ZNF704: variants seen among roughly 807,000 people sequenced by gnomAD.
The protein encoded by ZNF704 is zinc finger protein 704.
ZNF704 carries 10 observed loss-of-function variants against 44.7 expected under a neutral mutation model. The observed-to-expected ratio is 0.22, with a 90% CI of 0.14 to 0.38. The LOEUF is 0.38. ZNF704 is among the 10% of genes least tolerant of loss of function. The probability of loss-of-function intolerance (pLI) is 1.00; values close to 1 mark genes in which losing one functional copy is unlikely to be tolerated. For synonymous variants in ZNF704, 211 were observed against 207.6 expected, an observed-to-expected ratio of 1.02 and a Z score of -0.14; for missense variants, 390 against 545.5, an observed-to-expected ratio of 0.71 and a Z score of 2.84.
At chr8:80,773,863 C>T (rs1807366096) in intron 2 of ZNF704, among the ~76,000 whole-genome samples, 1 of 152,092 alleles carries the variant, frequency 6.6e-6, no homozygotes, top group Admixed American at 6.5e-5. Context: ...TTTATCATGA[C>T]TGCTTTAAAA....
upstream of ZNF704, among the ~76,000 whole-genome samples, chr8:80,877,141 C>A (rs1165347622): frequency 7.0e-6 from 1 of 143,694 alleles, no homozygotes; most frequent in Non-Finnish European, 1.5e-5. Context: ...TCATAGACAT[C>A]CATTCCCTGG....
chr8:80,701,098 C>T (rs1818802981), intron 2 of ZNF704, among the ~76,000 whole-genome samples: 1 of 152,106 alleles, frequency 6.6e-6, no homozygotes, highest in African/African-American at 2.4e-5. Flanking sequence ...CCTGGCCTTG[C>T]TAGCCTTCTG....
intron 7 of ZNF704, among the ~76,000 whole-genome samples, chr8:80,646,336 C>T (rs1817833373): frequency 6.6e-6 from 1 of 151,950 alleles, no homozygotes; most frequent in Admixed American, 6.6e-5. Flanking sequence ...ACAAATTAGC[C>T]AGATTGGTGA....
At chr8:80,858,563 T>A (rs564249257) in intron 1 of ZNF704, among the ~76,000 whole-genome samples, 2 of 151,968 alleles carry the variant, frequency 1.3e-5, no homozygotes, top group Admixed American at 6.6e-5. Flanking sequence ...GAAACCCCCA[T>A]CTCTACCAAA....
At chr8:80,747,835 G>A (rs934704161) in intron 2 of ZNF704, among the ~76,000 whole-genome samples, 2 of 152,178 alleles carry the variant, frequency 1.3e-5, no homozygotes, top group African/African-American at 4.8e-5. Context: ...CCCTGCTTCA[G>A]CATCCTGACT....
intron 2 of ZNF704, among the ~76,000 whole-genome samples, chr8:80,724,810 A>T (rs890025383): frequency 1.1e-4 from 17 of 151,870 alleles, no homozygotes; most frequent in African/African-American, 4.1e-4. Context: ...CAAAACGATA[A>T]CCCCTTAACT....
intron 3 of ZNF704, among the ~76,000 whole-genome samples, 170 bp downstream of exon 3, chr8:80,692,834 A>AG (rs1818662089): frequency 6.6e-6 from 1 of 152,130 alleles, no homozygotes; most frequent in Non-Finnish European, 1.5e-5. Context: ...GAAGATGAAG[A>AG]GGGGGCTGAC....
chr8:80,871,983 C>T lies in ZNF704; in HGVS notation c.-22+2588G>A, dbSNP rs750191576. ...TATCACACTCATTATTCTGTTTTTA[C>T]GGATTTGATTTTTTCCCTATATTAA... is the stretch of plus-strand genomic sequence containing the variant. On this transcript the variant is annotated intron_variant, in intron 1 of 8. Transcript: ENST00000327835. 5.3e-5 allele frequency among the ~76,000 whole-genome samples: 8 copies of T among 152,126 alleles called. No homozygotes were observed. In the South Asian group the frequency reaches 1.4e-3, roughly 28 times the overall value.
At chr8:80,842,599 G>A (rs1041324848) in intron 1 of ZNF704, among the ~76,000 whole-genome samples, 18 of 152,112 alleles carry the variant, frequency 1.2e-4, no homozygotes, top group African/African-American at 3.6e-4. Context: ...GCCTTCAGTC[G>A]GCAGTGGGTC....
chr8:80,742,722 C>A (rs1221312324), intron 2 of ZNF704, among the ~76,000 whole-genome samples: 1 of 152,106 alleles, frequency 6.6e-6, no homozygotes, highest in African/African-American at 2.4e-5. Flanking sequence ...AGACCATGCT[C>A]CAATGTTGAT....
intron 2 of ZNF704, among the ~76,000 whole-genome samples, chr8:80,782,772 G>A (rs1405738749): frequency 1.3e-5 from 2 of 152,132 alleles, no homozygotes; most frequent in Admixed American, 1.3e-4. Context: ...GTATTCGCAG[G>A]TGAATGGCAC....
chr8:80,869,047 G>C (rs529355827), intron 1 of ZNF704, among the ~76,000 whole-genome samples: 5 of 152,280 alleles, frequency 3.3e-5, no homozygotes, highest in African/African-American at 4.8e-5. Context: ...ATGCCTAACA[G>C]CTTTTTATCT....
chr8:80,846,250 G>C (rs1298822460), intron 1 of ZNF704, among the ~76,000 whole-genome samples: 1 of 152,056 alleles, frequency 6.6e-6, no homozygotes, highest in African/African-American at 2.4e-5. Flanking sequence ...AGTTGCTCTT[G>C]AGTAAATCTT....
chr8:80,671,807 C>G, intron 4 of ZNF704, among the ~76,000 whole-genome samples: 1 of 152,178 alleles, frequency 6.6e-6, no homozygotes, highest in East Asian at 1.9e-4. Context: ...AAGTGACACA[C>G]ATTCCTTCTA....
At chr8:80,875,286 ATTTT>A (rs1220541692), upstream of ZNF704, among the ~76,000 whole-genome samples, 1 of 151,768 alleles carries the variant, frequency 6.6e-6, no homozygotes, top group Non-Finnish European at 1.5e-5. Flanking sequence ...TCTTTTATTT[ATTTT>A]AATTTTTATT....
chr8:80,780,327 T>TCTTATGGCAGAAAGAGATC (rs1807496774), intron 2 of ZNF704, among the ~76,000 whole-genome samples: 1 of 152,086 alleles, frequency 6.6e-6, no homozygotes, highest in African/African-American at 2.4e-5. Flanking sequence ...TCTAAGAGAT[T>TCTTATGGCAGAAAGAGATC]CCTATGGCAG....
chr8:80,726,778 A>ACAT (rs568744145), intron 2 of ZNF704, among the ~76,000 whole-genome samples: 10 of 152,274 alleles, frequency 6.6e-5, no homozygotes, highest in African/African-American at 2.4e-4. Flanking sequence ...CCTTGAAAGT[A>ACAT]CATCATCTAA....
At chr8:80,854,364 A>C (rs577930982) in intron 1 of ZNF704, among the ~76,000 whole-genome samples, 1 of 152,308 alleles carries the variant, frequency 6.6e-6, no homozygotes, top group South Asian at 2.1e-4. Context: ...TTTTAAAAAA[A>C]GACACACCAA....
intron 2 of ZNF704, among the ~76,000 whole-genome samples, chr8:80,820,931 A>G (rs1322787787): frequency 4.0e-5 from 6 of 151,820 alleles, no homozygotes; most frequent in Non-Finnish European, 1.5e-5. Context: ...AAAAAGTAAA[A>G]CCATTCTTAT....
Sources: allele counts gnomAD v4.1 joint callset (sites outside exome capture counted in the v4.1 genomes callset), GRCh38; gene constraint gnomAD v4.1.1; transcripts MANE v1.5; gene names NCBI Gene and HGNC (gene_info 2026-07-23, HGNC 2026-07-21).